Variants in DCAF8L2 observed in about 807,000 individuals in gnomAD.
DCAF8L2 encodes DDB1- and CUL4-associated factor 8-like protein 2.
For missense variants in DCAF8L2, 430 were observed against 490.7 expected, an observed-to-expected ratio of 0.88 and a Z score of 1.17; for synonymous variants, 200 against 190.9, an observed-to-expected ratio of 1.05 and a Z score of -0.39.
the DCAF8L2 span, among the ~76,000 whole-genome samples, chrX:27,550,162 A>G: frequency 8.9e-6 from 1 of 112,396 alleles, no homozygotes; most frequent in East Asian, 2.8e-4. Flanking sequence ...ATCATTTGTC[A>G]GCCAGTTGGC....
the DCAF8L2 span, among the ~76,000 whole-genome samples, chrX:27,566,223 A>G: frequency 2.7e-5 from 3 of 109,709 alleles, no homozygotes; most frequent in Non-Finnish European, 5.7e-5. Context: ...TATTGGTTAC[A>G]ACAAAAATGT....
In DCAF8L2 at chrX:27,748,955, T is replaced by C. The variant is rs1427524346; in HGVS notation, c.*164T>C. 3 of 626,281 alleles carry C rather than the reference T, an allele frequency of 4.8e-6. No homozygotes were observed. The highest frequency in any genetic ancestry group is 6.9e-6 in the Non-Finnish European group (3 of 433,795). 51.6% of individuals were successfully genotyped at this position (626,281 alleles called of 1,213,427 possible). ...CTCTTCCATTCCTTCCTCTCTACTT[T>C]CCTTTCTTTCTTCCACACATTCTTT... On this transcript the variant is annotated 3_prime_UTR_variant, in exon 5 of 5. Coordinates refer to ENST00000451261, the MANE Select transcript of DCAF8L2 (RefSeq NM_001353450.2).
the DCAF8L2 span, among the ~76,000 whole-genome samples, chrX:27,488,546 T>TGC: frequency 1.2e-5 from 1 of 82,911 alleles, no homozygotes; most frequent in African/African-American, 5.9e-5. Context: ...TGTGTGTGTG[T>TGC]GTGTGTGTGT....
At chrX:27,719,054 T>A (rs963774064) in intron 4 of DCAF8L2, among the ~76,000 whole-genome samples, 4 of 112,189 alleles carry the variant, frequency 3.6e-5, no homozygotes, top group African/African-American at 1.3e-4. Flanking sequence ...ACCTATTTTT[T>A]AATTTATCTT....
intron 2 of DCAF8L2, among the ~76,000 whole-genome samples, chrX:27,635,138 T>C (rs1391568284): frequency 1.8e-5 from 2 of 111,818 alleles, no homozygotes; most frequent in Non-Finnish European, 3.8e-5. Context: ...AGCTGAGTTA[T>C]TACATAATTT....
At chrX:27,593,495 GGTT>G (rs1467350044) in intron 1 of DCAF8L2, among the ~76,000 whole-genome samples, 3 of 111,666 alleles carry the variant, frequency 2.7e-5, no homozygotes, top group Admixed American at 9.5e-5. Context: ...TCCACCTTTT[GGTT>G]GTTGTGGAGT....
chrX:27,662,448 CAT>C (rs1491147534), intron 2 of DCAF8L2, among the ~76,000 whole-genome samples: 8 of 111,778 alleles, frequency 7.2e-5, no homozygotes, highest in African/African-American at 2.6e-4. Context: ...TCCATACACA[CAT>C]ATTTTCTTTC....
At chrX:27,600,836 A>G (rs1926604526) in intron 1 of DCAF8L2, among the ~76,000 whole-genome samples, 2 of 112,329 alleles carry the variant, frequency 1.8e-5, no homozygotes, top group South Asian at 7.3e-4. Context: ...TTAACCAAAT[A>G]GTGAAGGAAT....
chrX:27,476,397 G>A, the DCAF8L2 span, among the ~76,000 whole-genome samples: 1 of 111,610 alleles, frequency 9.0e-6, no homozygotes, highest in African/African-American at 3.3e-5. Context: ...GGAACTTCCT[G>A]ATTAATTAGA....
chrX:27,608,769 G>A (rs945583092), intron 1 of DCAF8L2, among the ~76,000 whole-genome samples: 2 of 109,012 alleles, frequency 1.8e-5, no homozygotes, highest in Admixed American at 2.0e-4. Context: ...AGATTTATAA[G>A]TCCCTCTATT....
the DCAF8L2 span, among the ~76,000 whole-genome samples, chrX:27,472,231 A>G: frequency 9.0e-6 from 1 of 111,630 alleles, no homozygotes; most frequent in East Asian, 2.8e-4. Context: ...AAGCATTTGG[A>G]CAGGCAATAT....
chrX:27,528,501 T>TATATAC, the DCAF8L2 span, among the ~76,000 whole-genome samples: 201 of 100,238 alleles, frequency 2.0e-3, 1 homozygote, highest in East Asian at 7.7e-3. Context: ...TATATATATA[T>TATATAC]ACACACACAC....
chrX:27,682,943 A>G (rs1930377862), intron 3 of DCAF8L2, among the ~76,000 whole-genome samples: 1 of 110,666 alleles, frequency 9.0e-6, no homozygotes, highest in Admixed American at 9.8e-5. Flanking sequence ...CTCACAAACA[A>G]GCAGTAGCTG....
At chrX:27,569,524 G>A in the DCAF8L2 span, among the ~76,000 whole-genome samples, 2 of 111,580 alleles carry the variant, frequency 1.8e-5, no homozygotes, top group Admixed American at 9.5e-5. Context: ...TTATTGATGG[G>A]ACTTATTTGG....
chrX:27,522,708 A>T, the DCAF8L2 span, among the ~76,000 whole-genome samples: 1 of 112,399 alleles, frequency 8.9e-6, no homozygotes, highest in Non-Finnish European at 1.9e-5. Flanking sequence ...TATTTCACTT[A>T]GCATAATGTC....
intron 2 of DCAF8L2, among the ~76,000 whole-genome samples, chrX:27,637,533 C>A (rs762816661): frequency 3.6e-5 from 4 of 111,881 alleles, no homozygotes; most frequent in African/African-American, 6.5e-5. Flanking sequence ...TGGCATCATT[C>A]GATTTGAGCA....
the DCAF8L2 span, among the ~76,000 whole-genome samples, chrX:27,553,432 G>A: frequency 9.0e-6 from 1 of 111,040 alleles, no homozygotes; most frequent in South Asian, 3.8e-4. Flanking sequence ...TCTGGGCTCC[G>A]GTGTTGGGTG....
At chrX:27,534,265 G>A in the DCAF8L2 span, among the ~76,000 whole-genome samples, 34 of 109,937 alleles carry the variant, frequency 3.1e-4, no homozygotes, top group African/African-American at 1.1e-3. Flanking sequence ...TTTGATAATT[G>A]TACTTTGTTT....
intron 2 of DCAF8L2, among the ~76,000 whole-genome samples, chrX:27,672,390 A>C (rs1929980882): frequency 8.9e-6 from 1 of 111,988 alleles, no homozygotes; most frequent in Non-Finnish European, 1.9e-5. Context: ...CATCAGTTAA[A>C]ATACAACATT....
Sources: allele counts gnomAD v4.1 joint callset (sites outside exome capture counted in the v4.1 genomes callset), GRCh38; gene constraint gnomAD v4.1.1; transcripts MANE v1.5; gene names NCBI Gene and HGNC (gene_info 2026-07-23, HGNC 2026-07-21).